Variants in CTPS1 observed in about 807,000 individuals in gnomAD.
CTPS1 encodes the protein CTP synthetase 1.
A neutral mutation model predicts 80.5 loss-of-function variants in CTPS1; 25 were observed. The observed-to-expected ratio is 0.31, with a 90% CI of 0.23 to 0.43. CTPS1 has a LOEUF of 0.43. Ranked by LOEUF, CTPS1 falls within the 20% of genes least tolerant of loss-of-function variation. The probability of loss-of-function intolerance (pLI) is 1.00; values close to 1 mark genes in which losing one functional copy is unlikely to be tolerated. For synonymous variants in CTPS1, 267 were observed against 252.5 expected (o/e 1.06, Z -0.54); for missense variants, 442 against 725.7 (o/e 0.61, Z 4.49).
chr1:40,988,426 A>G (rs988399384), intron 4 of CTPS1, 168 bp from the exon 5 acceptor site: 6 of 603,104 alleles, frequency 9.9e-6, no homozygotes, highest in African/African-American at 9.2e-5. Flanking sequence ...CTTTTAGTAC[A>G]AAGAGTTGTC....
At chr1:40,993,774 CTT>C (rs71278720) in intron 7 of CTPS1, among the ~76,000 whole-genome samples, 6 of 85,802 alleles carry the variant, frequency 7.0e-5, no homozygotes, top group East Asian at 3.5e-4. Flanking sequence ...TTTCTTCTCT[CTT>C]TTTTTTTTTT....
At chr1:40,997,596 GTCATATCTGCTT>G in intron 9 of CTPS1, 70 bp downstream of exon 9, 1 of 1,513,166 alleles carries the variant, frequency 6.6e-7, no homozygotes, top group South Asian at 1.2e-5. Context: ...TAGGTGCTGT[GTCATATCTGCTT>G]TCTGTTTGGA....
intron 2 of CTPS1, 134 bp from the exon 3 acceptor site, chr1:40,984,687 T>C (rs1487116656): frequency 1.6e-6 from 1 of 645,062 alleles, no homozygotes; most frequent in East Asian, 3.0e-5. Flanking sequence ...TATTTAGTCT[T>C]CTAGAAGTGA....
rs1558125706 is a variant in CTPS1, at chr1:40,981,573, TGA to T, written c.-13-1700_-13-1699del. 2.0e-5 allele frequency among the ~76,000 whole-genome samples: 3 copies of T among 152,234 alleles called. No individual in the cohort carries two copies. In the South Asian group the frequency reaches 6.2e-4, roughly 32 times the overall value. ...CATGTGTCAATAAGGAACTGTAAAG[TGA>T]GAGACTTAGGGTCAGATAAGCTTGG... On this transcript the variant is annotated intron_variant, in intron 1 of 18. Transcript: ENST00000650070.
chr1:40,999,911 G>C (rs759040053), intron 9 of CTPS1, among the ~76,000 whole-genome samples: 4 of 152,144 alleles, frequency 2.6e-5, no homozygotes, highest in Non-Finnish European at 5.9e-5. Context: ...ACTTAGGGAG[G>C]CTCTGCTGTG....
chr1:41,009,129 G>C (rs1016339410), intron 16 of CTPS1, among the ~76,000 whole-genome samples: 1 of 152,114 alleles, frequency 6.6e-6, no homozygotes, highest in Non-Finnish European at 1.5e-5. Flanking sequence ...TCTCCAAAAT[G>C]CTTGGAGTTG....
chr1:40,997,474 T>C lies in CTPS1; in HGVS notation c.953T>C (p.Ile318Thr). 1.9e-6 allele frequency: 3 copies of C among 1,614,226 alleles called. No homozygotes were observed. Among genetic ancestry groups the C allele is most frequent in the Non-Finnish European group, 2.5e-6 (3 of 1,180,044 alleles). ...TTCTCAGACTCCTATGCCTCTGTCA[T>C]TAAGGCTCTGGAGCATTCTGCACTG... ...TKFSDSYASV[I>T]KALEHSALAI... is the part of the protein sequence containing the mutation. Residue 318 changes from isoleucine (I) to threonine (T), a missense_variant, in exon 9 of 19, where the codon ATT becomes ACT. Ile to Thr is a moderately conservative substitution (Grantham distance 89). This residue lies in a region of CTPS1 where 321 missense variants were observed against 467.2 expected (regional missense o/e 0.69). Coordinates refer to ENST00000650070, the MANE Select transcript of CTPS1 (RefSeq NM_001905.4).
chr1:40,981,667 T>TG (rs1195399161), intron 1 of CTPS1, among the ~76,000 whole-genome samples: 1 of 152,208 alleles, frequency 6.6e-6, no homozygotes, highest in Non-Finnish European at 1.5e-5. Flanking sequence ...CCAGGATTCT[T>TG]GCGTTAAATG....
intron 13 of CTPS1, 48 bp downstream of exon 13, chr1:41,006,142 G>A (rs759052158): frequency 6.9e-7 from 1 of 1,447,974 alleles, no homozygotes; most frequent in South Asian, 1.2e-5. Flanking sequence ...GGTGTAGAAG[G>A]GGCATTTATG....
intron 9 of CTPS1, 36 bp from the exon 10 acceptor site, chr1:41,000,993 G>A (rs905969722): frequency 5.4e-6 from 8 of 1,476,910 alleles, no homozygotes; most frequent in South Asian, 2.5e-5. Context: ...CTGGGGTCAC[G>A]AGCCTGCTTT....
chr1:40,988,613 A>C lies in CTPS1; in HGVS notation c.458A>C (p.Asp153Ala). Residue 153 changes from aspartate to alanine, a missense_variant, in exon 5 of 19, where the codon GAC (aspartate) becomes GCC (alanine). Asp to Ala is a moderately radical substitution (Grantham distance 126). Coordinates refer to ENST00000650070, the MANE Select transcript of CTPS1 (RefSeq NM_001905.4). Reference protein sequence around the residue: ...CVIELGGTVGDIESMPFIEAF... With the variant: ...CVIELGGTVGAIESMPFIEAF... The stretch of plus-strand genomic sequence containing the variant: ...TTCTAGCTTGGTGGAACCGTGGGGG[A>C]CATAGAAAGCATGCCCTTTATTGAG... 1 of 1,613,926 alleles carries C rather than the reference A, an allele frequency of 6.2e-7. No individual in the cohort carries two copies. The highest frequency in any genetic ancestry group is 1.1e-5 in the South Asian group (1 of 91,068).
At position 41,008,683 on chromosome 1, in the gene CTPS1, A is replaced by G. The variant is rs766769279; in HGVS notation, c.1418A>G (p.Tyr473Cys). The G allele has an allele frequency of 1.9e-6, 3 of 1,614,052 alleles. No homozygotes were observed. The highest frequency in any genetic ancestry group is 2.7e-5 in the African/African-American group (2 of 74,912). Residue 473 changes from tyrosine to cysteine, a missense_variant, in exon 15 of 19, where the codon TAC becomes TGC. Tyr to Cys is a radical substitution (Grantham distance 194). This residue lies in a region of CTPS1 where 321 missense variants were observed against 467.2 expected (regional missense o/e 0.69). Coordinates refer to ENST00000650070, the MANE Select transcript of CTPS1 (RefSeq NM_001905.4). ...GGGAAACTCTATGGAGACGCAGACT[A>G]CTTGGAAGAGAGGCACCGCCACCGA... The part of the protein sequence containing the change: ...VMRKLYGDAD[Y>C]LEERHRHRFE...
At chr1:41,006,717 A>G (rs1471826098) in intron 13 of CTPS1, among the ~76,000 whole-genome samples, 3 of 152,120 alleles carry the variant, frequency 2.0e-5, no homozygotes, top group African/African-American at 4.8e-5. Context: ...GCACTTATTT[A>G]CGTTTTTCAG....
chr1:40,981,086 A>G (rs1570933809), intron 1 of CTPS1: 1 of 152,110 alleles, frequency 6.6e-6, no homozygotes, highest in East Asian at 1.9e-4. Flanking sequence ...TTATAGTCTA[A>G]ACATGTTTTC....
chr1:40,981,147 C>G (rs1425759212), intron 1 of CTPS1: 1 of 152,180 alleles, frequency 6.6e-6, no homozygotes, highest in Non-Finnish European at 1.5e-5. Flanking sequence ...AATGTTTCAT[C>G]TCTCCAACTG....
rs1242099795 is a variant in CTPS1 at position 41,009,509 on chromosome 1, C to T, written c.1611C>T (p.Ser537=). ...TCCTGTCCAGGCCTATCAAGCCCTC[C>T]CCACCATACTTTGGCCTCCTCCTGG... ...PEFLSRPIKP[S]PPYFGLLLAS... Residue 537 remains serine, a synonymous_variant, in exon 17 of 19, where the codon TCC becomes TCT. Coordinates refer to ENST00000650070, the MANE Select transcript of CTPS1 (RefSeq NM_001905.4). The T allele has an allele frequency of 1.9e-6, 3 of 1,613,678 alleles. No individual in the cohort carries two copies. The highest frequency in any genetic ancestry group is 1.7e-5 in the Admixed American group (1 of 59,926).
chr1:40,983,220 A>G lies in CTPS1; in HGVS notation c.-13-58A>G. On this transcript the variant is annotated intron_variant, in intron 1 of 18. Coordinates refer to ENST00000650070, the MANE Select transcript of CTPS1 (RefSeq NM_001905.4). ...ATTGGCAGAGCCAGTGTTTGAACCC[A>G]GATGAGTTTGGTTTGTTGAGATACA... 5 of 1,456,450 alleles carry G rather than the reference A, an allele frequency of 3.4e-6. No homozygotes were observed. In the South Asian group the frequency reaches 6.5e-5, roughly 19 times the overall value. The allele number at this position is 1,456,450 out of a possible 1,614,324, so 90.2% of individuals were successfully genotyped here.
Position 40,994,538 on chromosome 1 carries a change from C to A in CTPS1, c.721-1379C>A, listed in dbSNP as rs1014861927. On this transcript the variant is annotated intron_variant, in intron 7 of 18. Transcript: ENST00000650070. ...ACCCTGCTGACCTCTGTCCATTCAT[C>A]TACAGCCTAGCAACCTTACTAAAAT... 2.6e-5 allele frequency among the ~76,000 whole-genome samples: 4 copies of A among 152,210 alleles called. No individual in the cohort carries two copies. The East Asian group carries it at 5.8e-4, about 22-fold the overall frequency.
In CTPS1 at chr1:40,991,149, T is replaced by TTG; in HGVS notation, c.556-15_556-14insGT. On this transcript the variant is annotated splice_polypyrimidine_tract_variant and intron_variant, in intron 5 of 18. Coordinates refer to ENST00000650070, the MANE Select transcript of CTPS1 (RefSeq NM_001905.4). ...GAGGGAAACTAACTTTTTTTTTTTT[T>TTG]TCTTTTGTGAAATAGCCAAGTTCAA... 3.8e-6 allele frequency: 6 copies of TTG among 1,565,452 alleles called. No individual in the cohort carries two copies. Among genetic ancestry groups the TTG allele is most frequent in the Non-Finnish European group, 5.2e-6 (6 of 1,161,404 alleles).
Sources: gnomAD v4.1 joint callset for allele counts (sites outside exome capture counted in the v4.1 genomes callset) on GRCh38, gnomAD v4.1.1 for gene constraint, gnomAD v4.1.1 regional missense constraint, MANE v1.5 for transcripts, NCBI Gene and HGNC (gene_info 2026-07-23, HGNC 2026-07-21) for gene names.